The following FARP2 variants were observed in gnomAD, a reference collection of about 807,000 sequenced individuals.
FARP2 encodes the protein FERM, ARHGEF and pleckstrin domain-containing protein 2.
Under a neutral mutation model 130.5 loss-of-function variants are expected in FARP2, and 111 were observed. The observed-to-expected ratio is 0.85, with a 90% CI of 0.73 to 1.00. The LOEUF (loss-of-function observed/expected upper bound fraction) is 1.00. Ranked by LOEUF, FARP2 falls within the 50% of genes least tolerant of loss-of-function variation. FARP2 has a pLI of 0.00. For synonymous variants in FARP2, 504 were observed against 516.9 expected (o/e 0.98, Z 0.34); for missense variants, 1,385 against 1,346.3 (o/e 1.03, Z -0.45).
At position 241,434,266 on chromosome 2, in the gene FARP2, C is replaced by T. The variant is rs1038687146; in HGVS notation, c.976C>T (p.Pro326Ser). 1.9e-6 allele frequency: 3 copies of T among 1,613,642 alleles called. No individual in the cohort carries two copies. The highest frequency in any genetic ancestry group is 1.7e-6 in the Non-Finnish European group (2 of 1,179,870). ...CACCTTTTTTAGACTTTTGGACCAA[C>T]CTAAGCCAAAAGCAAAAGCCGTCTT... Reference protein sequence around the residue: ...YHTFFRLLDQPKPKAKAVFFS... With the variant: ...YHTFFRLLDQSKPKAKAVFFS... Residue 326 changes from proline (P) to serine (S), a missense_variant, in exon 10 of 27, where the codon CCT (proline) becomes TCT (serine). Pro to Ser is a moderately conservative substitution (Grantham distance 74, BLOSUM62 -1). Transcript: ENST00000264042.
chr2:241,441,022 G>A (rs1209817092), intron 12 of FARP2, among the ~76,000 whole-genome samples: 1 of 144,884 alleles, frequency 6.9e-6, no homozygotes, highest in Non-Finnish European at 1.5e-5. Context: ...ATTAAAAATT[G>A]TAATTTAATT....
chr2:241,442,448 C>G (rs984499906), intron 13 of FARP2: 1 of 456,580 alleles, frequency 2.2e-6, no homozygotes, highest in African/African-American at 2.0e-5. Context: ...TTTGCACACA[C>G]AAGTGGAGAA....
intron 13 of FARP2, among the ~76,000 whole-genome samples, chr2:241,455,514 G>A (rs2063806649): frequency 1.3e-5 from 2 of 152,036 alleles, no homozygotes; most frequent in Admixed American, 1.3e-4. Context: ...CCAAGTATCT[G>A]GGATTACAGG....
chr2:241,433,930 A>G (rs1026462832), intron 9 of FARP2, among the ~76,000 whole-genome samples: 1 of 151,962 alleles, frequency 6.6e-6, no homozygotes, highest in Non-Finnish European at 1.5e-5. Flanking sequence ...GTAGGAGGGG[A>G]GCGGCTGAGG....
At chr2:241,368,851 T>C (rs1425981943) in intron 1 of FARP2, among the ~76,000 whole-genome samples, 1 of 152,148 alleles carries the variant, frequency 6.6e-6, no homozygotes, top group African/African-American at 2.4e-5. Context: ...TTAAATTTAG[T>C]GTTAAAGTCT....
rs1292258323 is a variant in FARP2, at chr2:241,459,594, A to G, written c.1587+2672A>G. 6.6e-6 allele frequency among the ~76,000 whole-genome samples: 1 copy of G among 152,194 alleles called. No individual in the cohort carries two copies. Among genetic ancestry groups the G allele is most frequent in the Admixed American group, 6.5e-5 (1 of 15,284 alleles). On this transcript the variant is annotated intron_variant, in intron 14 of 26. Transcript: ENST00000264042. This position sits in a 1 kb window ranked among gnomAD's most constrained non-coding sequence, Gnocchi z 5.3. Reference sequence around the variant, plus strand: ...GCCAAAGGTGGCAGAAGCCTCTTCCACGCTCTGCATGGGCACATAGACCCT... The same window carrying G: ...GCCAAAGGTGGCAGAAGCCTCTTCCGCGCTCTGCATGGGCACATAGACCCT...
chr2:241,467,404 G>A (rs2064198664), intron 17 of FARP2, among the ~76,000 whole-genome samples: 2 of 152,182 alleles, frequency 1.3e-5, no homozygotes, highest in African/African-American at 4.8e-5. Flanking sequence ...CCAGCACTTT[G>A]GGAGGCTGAG....
Position 241,434,192 on chromosome 2 carries a change from G to T in FARP2, c.902G>T (p.Gly301Val). The T allele has an allele frequency of 6.2e-7, 1 of 1,613,480 alleles. No individual in the cohort carries two copies. The highest frequency in any genetic ancestry group is 8.5e-7 in the Non-Finnish European group (1 of 1,179,624). ...PYQDTLEFLL[G>V]SRDECKNFWK... ...CAGGACACATTAGAATTTTTGTTGGGTAGTAGAGATGAATGTAAGAACTTC... is the reference window on the plus strand; with the variant it reads ...CAGGACACATTAGAATTTTTGTTGGTTAGTAGAGATGAATGTAAGAACTTC... The change falls in exon 10 of 27, where the codon GGT (glycine) becomes GTT (valine). Residue 301 changes from glycine (G) to valine (V), a missense_variant. Coordinates refer to ENST00000264042, the MANE Select transcript of FARP2 (RefSeq NM_014808.4).
At chr2:241,412,192 G>C (rs2062537644) in intron 6 of FARP2, among the ~76,000 whole-genome samples, 1 of 152,132 alleles carries the variant, frequency 6.6e-6, no homozygotes, top group African/African-American at 2.4e-5. Flanking sequence ...CAGCGAGAGA[G>C]GCTTGTACAG....
chr2:241,443,419 A>G (rs2063439236), intron 13 of FARP2: 1 of 152,442 alleles, frequency 6.6e-6, no homozygotes, highest in Admixed American at 6.5e-5. Flanking sequence ...ACTAGAAGAT[A>G]CGTGGTTGCA....
chr2:241,357,246 C>T lies in FARP2; in HGVS notation c.-25+858C>T, dbSNP rs190237172. On this transcript the variant is annotated intron_variant, in intron 1 of 26. Transcript: ENST00000264042. The stretch of plus-strand genomic sequence containing the variant: ...CTGGGTTTTTGTTTTTGTTTTGTTT[C>T]CGTGGGATATTTTTGTCTGGGCCAC... Among the ~76,000 whole-genome samples the T allele has an allele frequency of 3.3e-3, 499 of 152,212 alleles. 3 individuals are homozygous for T. The highest frequency in any genetic ancestry group is 4.5e-3 in the Non-Finnish European group (306 of 67,990).
chr2:241,425,236 A>C (rs1274894018), intron 8 of FARP2, among the ~76,000 whole-genome samples: 1 of 152,160 alleles, frequency 6.6e-6, no homozygotes, highest in Non-Finnish European at 1.5e-5. Context: ...ACCCTGGAAG[A>C]AAATCTAGGC....
chr2:241,366,780 T>G (rs2061329388), intron 1 of FARP2, among the ~76,000 whole-genome samples: 1 of 152,026 alleles, frequency 6.6e-6, no homozygotes, highest in African/African-American at 2.4e-5. Context: ...ACCTGAAAAA[T>G]ATCTGATTAA....
At chr2:241,464,378 C>T (rs1291705296) in intron 17 of FARP2, among the ~76,000 whole-genome samples, 2 of 150,218 alleles carry the variant, frequency 1.3e-5, no homozygotes, top group African/African-American at 2.5e-5. Flanking sequence ...AACAGGGACC[C>T]CCTCAGAGCA....
chr2:241,464,480 C>T (rs570212829), intron 17 of FARP2, among the ~76,000 whole-genome samples: 21 of 148,184 alleles, frequency 1.4e-4, no homozygotes, highest in Admixed American at 1.1e-3. Context: ...AGGATTTTCT[C>T]AGAACAGAGT....
intron 14 of FARP2, among the ~76,000 whole-genome samples, chr2:241,457,670 A>C (rs2063895681): frequency 1.7e-5 from 2 of 116,220 alleles, no homozygotes; most frequent in Admixed American, 7.9e-5. Context: ...CGGGAGACCC[A>C]GTGTAGAAAG....
chr2:241,415,521 G>C (rs2062641894), intron 7 of FARP2, among the ~76,000 whole-genome samples: 2 of 152,190 alleles, frequency 1.3e-5, no homozygotes, highest in South Asian at 4.1e-4. Flanking sequence ...TGGATGGGTG[G>C]GTTTGGGATG....
At chr2:241,385,734 A>G (rs1210957182) in intron 2 of FARP2, among the ~76,000 whole-genome samples, 1 of 152,144 alleles carries the variant, frequency 6.6e-6, no homozygotes, top group Non-Finnish European at 1.5e-5. Flanking sequence ...AAAAAGAGAA[A>G]AAAAAATTTT....
chr2:241,402,836 TTA>T (rs1215612816), intron 2 of FARP2, among the ~76,000 whole-genome samples: 307 of 16,816 alleles, frequency 0.018, no homozygotes, highest in Non-Finnish European at 0.025. Context: ...CCCAGCTAAT[TTA>T]TATATATATA....
Sources: allele counts gnomAD v4.1 joint callset (sites outside exome capture counted in the v4.1 genomes callset), GRCh38; gene constraint gnomAD v4.1.1; non-coding constraint Gnocchi (gnomAD v3.1); transcripts MANE v1.5; gene names NCBI Gene and HGNC (gene_info 2026-07-23, HGNC 2026-07-21).